CNKSR2: variants seen among roughly 807,000 people sequenced by gnomAD.
CNKSR2 encodes the protein connector enhancer of kinase suppressor of Ras 2.
CNKSR2 carries 14 observed loss-of-function variants against 84.4 expected under a neutral mutation model. The ratio of observed to expected loss-of-function variants is 0.17; its 90% confidence interval spans 0.11 to 0.26. CNKSR2 has a LOEUF of 0.26. Among genes scored for constraint, CNKSR2 ranks in the 10% least tolerant of loss-of-function variants. The pLI is 1.00. For missense variants in CNKSR2, 485 were observed against 771.2 expected, an observed-to-expected ratio of 0.63 and a Z score of 4.40; for synonymous variants, 275 against 277.9, an observed-to-expected ratio of 0.99 and a Z score of 0.10.
At chrX:21,455,403 G>A (rs189169224) in intron 4 of CNKSR2, among the ~76,000 whole-genome samples, 1 of 111,730 alleles carries the variant, frequency 9.0e-6, no homozygotes, top group Admixed American at 9.5e-5. Flanking sequence ...AGCTTCTACA[G>A]AGTCTTCTTT....
intron 9 of CNKSR2, among the ~76,000 whole-genome samples, chrX:21,517,970 A>G (rs2091745136): frequency 8.9e-6 from 1 of 112,105 alleles, no homozygotes; most frequent in Non-Finnish European, 1.9e-5. Flanking sequence ...TTGGCATTAT[A>G]CTTAATATAA....
chrX:21,470,805 G>C lies in CNKSR2; in HGVS notation c.559G>C (p.Val187Leu), dbSNP rs770022036. 12 of 1,006,545 alleles carry C rather than the reference G, an allele frequency of 1.2e-5. No individual in the cohort carries two copies. Among genetic ancestry groups the C allele is most frequent in the Non-Finnish European group, 1.2e-5 (9 of 736,976 alleles). The allele number at this position is 1,006,545 out of a possible 1,213,427, so 83.0% of individuals were successfully genotyped here. ...TGAAACAGAGAATAAAATTCTTCAC[G>C]TGGTGAGTATACTTGGATTTATTTT... ...VYETENKILHVCKTLSGVCDH... is the reference protein window; with the variant it reads ...VYETENKILHLCKTLSGVCDH... Residue 187 changes from valine (V) to leucine (L), a missense_variant and splice_region_variant, in exon 5 of 22, where the codon GTG becomes CTG. By Grantham distance (32) the Val-to-Leu change is conservative. Around this residue, in one of 5 missense-constraint regions of CNKSR2, gnomAD observed 109 missense variants for 197.5 expected, o/e 0.55. Transcript: ENST00000379510.
intron 20 of CNKSR2, among the ~76,000 whole-genome samples, chrX:21,612,659 A>T (rs898557166): frequency 1.8e-5 from 2 of 112,105 alleles, no homozygotes; most frequent in Non-Finnish European, 3.8e-5. Flanking sequence ...CTTTCTTATC[A>T]TTTACGTTTT....
intron 13 of CNKSR2, among the ~76,000 whole-genome samples, chrX:21,570,103 AAG>A (rs992592070): frequency 1.8e-5 from 2 of 112,108 alleles, no homozygotes; most frequent in Non-Finnish European, 3.8e-5. Context: ...AGCCCCTAAC[AAG>A]AGAGTCAGCC....
chrX:21,378,931 A>C (rs889313106), intron 1 of CNKSR2, among the ~76,000 whole-genome samples: 3 of 111,920 alleles, frequency 2.7e-5, no homozygotes, highest in Non-Finnish European at 5.7e-5. Flanking sequence ...CCCATTCCAC[A>C]ATCAACTGCT....
At chrX:21,567,647 G>A (rs2092250207) in intron 13 of CNKSR2, among the ~76,000 whole-genome samples, 1 of 111,573 alleles carries the variant, frequency 9.0e-6, no homozygotes, top group African/African-American at 3.3e-5. Flanking sequence ...ATGCCCATCA[G>A]CCAAGCATGT....
intron 13 of CNKSR2, among the ~76,000 whole-genome samples, chrX:21,563,765 A>T (rs776010931): frequency 8.9e-6 from 1 of 111,929 alleles, no homozygotes; most frequent in Admixed American, 9.5e-5. Flanking sequence ...TAGCTATAAA[A>T]TTCAACATTA....
intron 8 of CNKSR2, among the ~76,000 whole-genome samples, chrX:21,516,172 TAGCAGCTGAGC>T (rs1034184421): frequency 2.7e-5 from 3 of 111,560 alleles, no homozygotes; most frequent in Admixed American, 9.5e-5. Flanking sequence ...GATCTAGACC[TAGCAGCTGAGC>T]AGCATTAATG....
At chrX:21,601,679 A>G (rs912360211) in intron 18 of CNKSR2, among the ~76,000 whole-genome samples, 1 of 112,335 alleles carries the variant, frequency 8.9e-6, no homozygotes, top group Non-Finnish European at 1.9e-5. Flanking sequence ...AATTTTTACT[A>G]TTTAGCAGTT....
At chrX:21,539,550 G>A (rs2091958696) in intron 11 of CNKSR2, among the ~76,000 whole-genome samples, 3 of 111,079 alleles carry the variant, frequency 2.7e-5, no homozygotes, top group Admixed American at 9.6e-5. Context: ...TCCTTTGGAA[G>A]TGTCATATTT....
intron 3 of CNKSR2, among the ~76,000 whole-genome samples, chrX:21,438,944 A>G (rs1432715565): frequency 8.9e-6 from 1 of 111,775 alleles, no homozygotes; most frequent in Non-Finnish European, 1.9e-5. Context: ...TTTAAAGTGC[A>G]TGAGCAAAAA....
At chrX:21,419,935 A>G (rs965209285) in intron 1 of CNKSR2, among the ~76,000 whole-genome samples, 1 of 112,325 alleles carries the variant, frequency 8.9e-6, no homozygotes, top group Non-Finnish European at 1.9e-5. Flanking sequence ...GAGGCTCTAC[A>G]GTCAGCAAAT....
chrX:21,651,494 C>G (rs748133607), intron 21 of CNKSR2, among the ~76,000 whole-genome samples: 1 of 111,696 alleles, frequency 9.0e-6, no homozygotes, highest in East Asian at 2.8e-4. Flanking sequence ...TTCTTAACCA[C>G]CTTACTGTTT....
At chrX:21,403,680 A>G (rs185665361) in intron 1 of CNKSR2, among the ~76,000 whole-genome samples, 2 of 111,963 alleles carry the variant, frequency 1.8e-5, no homozygotes, top group Non-Finnish European at 3.8e-5. Context: ...AGCAGAAAGG[A>G]TGCTCATTAT....
At position 21,392,512 on chromosome X, in the gene CNKSR2, A is replaced by G. The variant is rs765152111; in HGVS notation, c.64+17551A>G. ...AAGGAGGAAGAGAGCAAAGGGGAAGATGCCACATACTTTTAAACATTCAGG... is the reference window on the plus strand; with the variant it reads ...AAGGAGGAAGAGAGCAAAGGGGAAGGTGCCACATACTTTTAAACATTCAGG... On this transcript the variant is annotated intron_variant, in intron 1 of 21. Coordinates refer to ENST00000379510, the MANE Select transcript of CNKSR2 (RefSeq NM_014927.5). Among the ~76,000 whole-genome samples, 14 of 111,460 alleles carry G rather than the reference A, an allele frequency of 1.3e-4. No individual in the cohort carries two copies. In the South Asian group the frequency reaches 4.5e-3, roughly 36 times the overall value.
chrX:21,556,150 T>C (rs185806536), intron 11 of CNKSR2, among the ~76,000 whole-genome samples: 1 of 110,763 alleles, frequency 9.0e-6, no homozygotes, highest in East Asian at 2.9e-4. Flanking sequence ...AAACTAATGA[T>C]ACAGCTTGGA....
At chrX:21,639,890 T>C (rs1475240228) in intron 20 of CNKSR2, among the ~76,000 whole-genome samples, 1 of 111,376 alleles carries the variant, frequency 9.0e-6, no homozygotes, top group Admixed American at 9.6e-5. Context: ...CAGAAATCTG[T>C]GTTTAACAAG....
At chrX:21,547,254 G>A (rs1242975091) in intron 11 of CNKSR2, among the ~76,000 whole-genome samples, 6 of 110,333 alleles carry the variant, frequency 5.4e-5, no homozygotes, top group Non-Finnish European at 7.6e-5. Context: ...CAAATGGAAA[G>A]CAAGAAAAAA....
intron 13 of CNKSR2, among the ~76,000 whole-genome samples, chrX:21,583,539 C>G (rs1569256378): frequency 9.0e-6 from 1 of 111,427 alleles, no homozygotes; most frequent in Non-Finnish European, 1.9e-5. Context: ...ACCTTCTTTT[C>G]TTATGTATAA....
Sources: gnomAD v4.1 joint callset for allele counts (sites outside exome capture counted in the v4.1 genomes callset) on GRCh38, gnomAD v4.1.1 for gene constraint, gnomAD v4.1.1 regional missense constraint, MANE v1.5 for transcripts, NCBI Gene and HGNC (gene_info 2026-07-23, HGNC 2026-07-21) for gene names.